FGGY: variants seen among roughly 807,000 people sequenced by gnomAD.
The protein encoded by FGGY is FGGY carbohydrate kinase domain containing.
A neutral mutation model predicts 71.3 loss-of-function variants in FGGY; 72 were observed. That is an observed-to-expected ratio of 1.01 (90% CI 0.84 to 1.23). The LOEUF (loss-of-function observed/expected upper bound fraction) is 1.23. Among genes scored for constraint, FGGY ranks in the 50% most tolerant of loss-of-function variants. FGGY has a pLI of 0.00. For missense variants in FGGY, 668 were observed against 682.3 expected (o/e 0.98, Z 0.23); for synonymous variants, 251 against 250.3 (o/e 1.00, Z -0.02).
At chr1:59,472,135 C>A (rs570198157) in intron 6 of FGGY, among the ~76,000 whole-genome samples, 1 of 152,156 alleles carries the variant, frequency 6.6e-6, no homozygotes, top group Non-Finnish European at 1.5e-5. Context: ...GAAGGAGAGG[C>A]GCGGGCGGGA....
intron 9 of FGGY, among the ~76,000 whole-genome samples, chr1:59,619,436 G>C (rs909375236): frequency 6.6e-6 from 1 of 152,050 alleles, no homozygotes; most frequent in Non-Finnish European, 1.5e-5. Flanking sequence ...TTTTAAATAG[G>C]GTGGTCAGGG....
At chr1:59,489,172 G>A (rs1447419663) in intron 6 of FGGY, among the ~76,000 whole-genome samples, 2 of 151,924 alleles carry the variant, frequency 1.3e-5, no homozygotes, top group Admixed American at 6.6e-5. Flanking sequence ...TGTAGTGATC[G>A]GGTCAGTGTA....
intron 2 of FGGY, among the ~76,000 whole-genome samples, chr1:59,339,453 AT>A (rs1375691922): frequency 6.6e-6 from 1 of 151,676 alleles, no homozygotes; most frequent in Non-Finnish European, 1.5e-5. Flanking sequence ...ATTTCCAATT[AT>A]TTTTAATTAT....
At chr1:59,387,407 G>A (rs966055096) in intron 5 of FGGY, among the ~76,000 whole-genome samples, 2 of 151,528 alleles carry the variant, frequency 1.3e-5, no homozygotes. Flanking sequence ...ATTTTAATTT[G>A]CATTTTTGAT....
At chr1:59,535,227 G>A (rs2095280620) in intron 7 of FGGY, among the ~76,000 whole-genome samples, 2 of 151,684 alleles carry the variant, frequency 1.3e-5, no homozygotes, top group South Asian at 4.2e-4. Flanking sequence ...GATCAAAAGA[G>A]ACAAAGAAGG....
At chr1:59,513,159 A>AT (rs1157246719) in intron 7 of FGGY, among the ~76,000 whole-genome samples, 6 of 152,146 alleles carry the variant, frequency 3.9e-5, no homozygotes, top group Admixed American at 6.5e-5. Flanking sequence ...GTAGCCATAT[A>AT]TTTTTTTCCT....
intron 3 of FGGY, among the ~76,000 whole-genome samples, chr1:59,343,564 G>C (rs1177490680): frequency 6.6e-6 from 1 of 152,150 alleles, no homozygotes; most frequent in African/African-American, 2.4e-5. Context: ...ACACAGTATA[G>C]ACTCTTTCTC....
intron 6 of FGGY, among the ~76,000 whole-genome samples, chr1:59,491,361 T>C (rs1380115868): frequency 6.6e-6 from 1 of 151,832 alleles, no homozygotes; most frequent in East Asian, 1.9e-4. Context: ...GAGCATGGAA[T>C]GTCTTTCCAT....
intron 5 of FGGY, among the ~76,000 whole-genome samples, chr1:59,393,694 A>G (rs984588748): frequency 6.6e-6 from 1 of 152,188 alleles, no homozygotes; most frequent in East Asian, 1.9e-4. Context: ...TTTCTATTTC[A>G]GGAAAATGAT....
chr1:59,493,096 A>ACAC (rs1553245704), intron 6 of FGGY, among the ~76,000 whole-genome samples: 1 of 143,024 alleles, frequency 7.0e-6, no homozygotes, highest in African/African-American at 2.6e-5. Context: ...TACCAAACAA[A>ACAC]ACACACACAC....
intron 1 of FGGY, among the ~76,000 whole-genome samples, chr1:59,310,979 C>A (rs1335012318): frequency 1.3e-5 from 2 of 152,200 alleles, no homozygotes. Context: ...TGTGCTCATA[C>A]AAGGAAGGTA....
intron 6 of FGGY, among the ~76,000 whole-genome samples, chr1:59,500,182 T>C (rs2094181969): frequency 6.6e-6 from 1 of 152,204 alleles, no homozygotes; most frequent in South Asian, 2.1e-4. Context: ...CAGGGTATGC[T>C]TGAAAGTAGA....
intron 14 of FGGY, among the ~76,000 whole-genome samples, chr1:59,746,146 C>T (rs1266779235): frequency 6.6e-6 from 1 of 152,100 alleles, no homozygotes; most frequent in African/African-American, 2.4e-5. Flanking sequence ...CCTCATTTAA[C>T]ATAGGGACAG....
At chr1:59,325,083 T>G (rs912284692) in intron 2 of FGGY, among the ~76,000 whole-genome samples, 19 of 152,248 alleles carry the variant, frequency 1.2e-4, no homozygotes, top group South Asian at 4.1e-4. Flanking sequence ...GCGGGGCGTG[T>G]TGGCTCACGC....
intron 11 of FGGY, among the ~76,000 whole-genome samples, chr1:59,651,182 A>G (rs1254923177): frequency 2.0e-5 from 3 of 152,032 alleles, no homozygotes; most frequent in Admixed American, 1.3e-4. Context: ...TATGTGGTCA[A>G]TTTTGGAATA....
At chr1:59,481,910 A>G (rs989215785) in intron 6 of FGGY, among the ~76,000 whole-genome samples, 7 of 152,170 alleles carry the variant, frequency 4.6e-5, no homozygotes, top group African/African-American at 1.4e-4. Flanking sequence ...TATTTCACAG[A>G]GTATCTTATA....
At chr1:59,653,948 A>T (rs2097194813) in intron 11 of FGGY, among the ~76,000 whole-genome samples, 2 of 152,122 alleles carry the variant, frequency 1.3e-5, no homozygotes, top group Non-Finnish European at 2.9e-5. Context: ...ATTACTCTGG[A>T]TCCAACCAGA....
chr1:59,562,926 A>G (rs1478291092), intron 8 of FGGY, among the ~76,000 whole-genome samples: 1 of 152,214 alleles, frequency 6.6e-6, no homozygotes, highest in Non-Finnish European at 1.5e-5. Context: ...GCTTTTTAAA[A>G]ACAGAAAAAA....
intron 5 of FGGY, among the ~76,000 whole-genome samples, chr1:59,444,650 C>T (rs1394141838): frequency 2.0e-5 from 3 of 152,126 alleles, no homozygotes; most frequent in Non-Finnish European, 2.9e-5. Flanking sequence ...GCATCACCTC[C>T]TGTCAGATCA....
Sources: allele counts gnomAD v4.1 joint callset (sites outside exome capture counted in the v4.1 genomes callset), GRCh38; gene constraint gnomAD v4.1.1; transcripts MANE v1.5; gene names NCBI Gene and HGNC (gene_info 2026-07-23, HGNC 2026-07-21).